Variants in CDKL4 observed in about 807,000 individuals in gnomAD.
CDKL4 encodes the protein cyclin dependent kinase like 4.
In CDKL4, 44 loss-of-function variants were observed where a neutral mutation model predicts 42.0. The observed-to-expected ratio is 1.05, with a 90% CI of 0.82 to 1.35. The LOEUF is 1.35. Ranked by LOEUF, CDKL4 falls within the 40% of genes most tolerant of loss-of-function variation. The pLI, the probability that CDKL4 is intolerant of heterozygous loss-of-function variation, is 0.00. For synonymous variants in CDKL4, 120 were observed against 121.6 expected, an observed-to-expected ratio of 0.99 and a Z score of 0.09; for missense variants, 393 against 369.9, an observed-to-expected ratio of 1.06 and a Z score of -0.51.
At chr2:39,196,523 C>A (rs1488820957) in intron 5 of CDKL4, among the ~76,000 whole-genome samples, 2 of 152,198 alleles carry the variant, frequency 1.3e-5, no homozygotes, top group African/African-American at 2.4e-5. Context: ...TGAACAGCAG[C>A]CCTCAAGTCC....
intron 5 of CDKL4, among the ~76,000 whole-genome samples, chr2:39,200,883 A>C (rs1676801490): frequency 6.6e-6 from 1 of 152,214 alleles, no homozygotes; most frequent in Non-Finnish European, 1.5e-5. Context: ...AACCATAAAA[A>C]TTCTAGAAGA....
chr2:39,212,458 C>G (rs1034682777), intron 4 of CDKL4, among the ~76,000 whole-genome samples: 3 of 152,026 alleles, frequency 2.0e-5, no homozygotes, highest in South Asian at 2.1e-4. Flanking sequence ...TGGTCTCGAT[C>G]TCCTGACTTC....
At chr2:39,197,926 C>G (rs1481031847) in intron 5 of CDKL4, among the ~76,000 whole-genome samples, 1 of 150,224 alleles carries the variant, frequency 6.7e-6, no homozygotes, top group Non-Finnish European at 1.5e-5. Context: ...AACAGCAACA[C>G]AATGAAAAAA....
rs370403935 is a variant in CDKL4, at chr2:39,197,594, C to T, written c.454+6933G>A. Reference sequence around the variant, plus strand: ...AATATTAAGGACTCTGAGGCAAAAGCATCAGGTACTATAAAGGAAAACCTA... The same window carrying T: ...AATATTAAGGACTCTGAGGCAAAAGTATCAGGTACTATAAAGGAAAACCTA... On this transcript the variant is annotated intron_variant, in intron 5 of 9. Coordinates refer to ENST00000451199, the Ensembl canonical transcript of CDKL4. 4.1e-4 allele frequency among the ~76,000 whole-genome samples: 63 copies of T among 152,238 alleles called. 1 individual carries two copies. The highest frequency in any genetic ancestry group is 1.4e-3 in the African/African-American group (60 of 41,552).
At chr2:39,232,407 AT>A (rs1679129901) in intron 1 of CDKL4, among the ~76,000 whole-genome samples, 1 of 152,188 alleles carries the variant, frequency 6.6e-6, no homozygotes, top group South Asian at 2.1e-4. Context: ...CTACTCTCTT[AT>A]TTGAGATCCA....
chr2:39,183,149 G>A (rs893376325), intron 8 of CDKL4, among the ~76,000 whole-genome samples: 2 of 152,062 alleles, frequency 1.3e-5, no homozygotes, highest in Non-Finnish European at 2.9e-5. Context: ...GTGTGGTGGC[G>A]TGTGCCTGTA....
chr2:39,243,039 C>A (rs1679737515), intron 1 of CDKL4, among the ~76,000 whole-genome samples: 1 of 133,600 alleles, frequency 7.5e-6, no homozygotes. Context: ...GTCAAGGTTG[C>A]TGAACCTGGG....
upstream of CDKL4, among the ~76,000 whole-genome samples, chr2:39,245,622 C>T (rs572802327): frequency 1.3e-5 from 2 of 152,326 alleles, no homozygotes; most frequent in East Asian, 1.9e-4. Flanking sequence ...CAACCACTTT[C>T]CCCTTAATAC....
At chr2:39,229,234 T>G in intron 2 of CDKL4, 131 bp downstream of exon 2, 1 of 651,398 alleles carries the variant, frequency 1.5e-6, no homozygotes. Flanking sequence ...AATCAACTTA[T>G]TACCCAAAGG....
chr2:39,236,095 A>G (rs943211044), intron 1 of CDKL4, among the ~76,000 whole-genome samples: 2 of 151,704 alleles, frequency 1.3e-5, no homozygotes, highest in African/African-American at 2.4e-5. Context: ...GACTCAATGA[A>G]GAGGGAATTT....
chr2:39,194,128 A>T (rs1378384330), intron 5 of CDKL4, among the ~76,000 whole-genome samples: 1 of 152,146 alleles, frequency 6.6e-6, no homozygotes, highest in Non-Finnish European at 1.5e-5. Context: ...TTGTGTTCCC[A>T]CTAAAAACAA....
chr2:39,217,254 C>T (rs58287265), intron 3 of CDKL4, among the ~76,000 whole-genome samples: 4,543 of 152,228 alleles, frequency 0.03, 223 homozygotes, highest in African/African-American at 0.1. Flanking sequence ...ACAAAAGTAA[C>T]CGAGGTTCTT....
intron 9 of CDKL4, 76 bp downstream of exon 9, chr2:39,179,111 C>T: frequency 1.3e-6 from 2 of 1,551,018 alleles, no homozygotes; most frequent in Non-Finnish European, 1.7e-6. Context: ...TCCACCTTGT[C>T]TCACTTTGAA....
intron 5 of CDKL4, among the ~76,000 whole-genome samples, chr2:39,200,611 A>C (rs1049554127): frequency 6.6e-6 from 1 of 152,228 alleles, no homozygotes; most frequent in Admixed American, 6.5e-5. Flanking sequence ...ATAGTCATCA[A>C]AGCAGTATGG....
intron 1 of CDKL4, among the ~76,000 whole-genome samples, chr2:39,230,080 TCTTTAAAAACAATAACAGGC>T (rs1291085282): frequency 6.6e-6 from 1 of 152,184 alleles, no homozygotes; most frequent in African/African-American, 2.4e-5. Context: ...AACAAAGCAG[TCTTTAAAAACAATAACAGGC>T]CAGGCACAGT....
intron 5 of CDKL4, among the ~76,000 whole-genome samples, chr2:39,194,678 A>C (rs1477958087): frequency 1.3e-5 from 2 of 152,144 alleles, no homozygotes; most frequent in Non-Finnish European, 2.9e-5. Flanking sequence ...CAATTTATAT[A>C]AGCTCTTATC....
At chr2:39,210,712 T>C (rs1006146026) in intron 4 of CDKL4, among the ~76,000 whole-genome samples, 1 of 152,144 alleles carries the variant, frequency 6.6e-6, no homozygotes, top group Non-Finnish European at 1.5e-5. Flanking sequence ...TAACTACCCA[T>C]AAAACTCCTG....
chr2:39,190,269 T>A, intron 6 of CDKL4, 36 bp downstream of exon 6: 1 of 1,473,294 alleles, frequency 6.8e-7, no homozygotes, highest in Non-Finnish European at 9.5e-7. Flanking sequence ...GCTATAACAA[T>A]TCAGCAACTC....
intron 4 of CDKL4, among the ~76,000 whole-genome samples, chr2:39,211,636 C>A (rs1187314211): frequency 6.6e-6 from 1 of 151,966 alleles, no homozygotes; most frequent in Non-Finnish European, 1.5e-5. Flanking sequence ...AGGATGAGTT[C>A]TTTTCCATAC....
Sources: allele counts gnomAD v4.1 joint callset (sites outside exome capture counted in the v4.1 genomes callset), GRCh38; gene constraint gnomAD v4.1.1; transcripts MANE v1.5; gene names NCBI Gene and HGNC (gene_info 2026-07-23, HGNC 2026-07-21).